GNAI1: variants seen among roughly 807,000 people sequenced by gnomAD.
GNAI1 encodes G protein subunit alpha i1, also known as guanine nucleotide-binding protein G(i) subunit alpha-1.
In GNAI1, 11 loss-of-function variants were observed where a neutral mutation model predicts 38.9. That is an observed-to-expected ratio of 0.28 (90% CI 0.18 to 0.47). The LOEUF (loss-of-function observed/expected upper bound fraction) is 0.47. Ranked by LOEUF, GNAI1 falls within the 20% of genes least tolerant of loss-of-function variation. The pLI, the probability that GNAI1 is intolerant of heterozygous loss-of-function variation, is 0.99. For missense variants in GNAI1, 317 were observed against 436.9 expected (o/e 0.73, Z 2.45); for synonymous variants, 166 against 145.1 (o/e 1.14, Z -1.04).
chr7:80,191,972 T>A, intron 3 of GNAI1, among the ~76,000 whole-genome samples: 1 of 152,228 alleles, frequency 6.6e-6, no homozygotes, highest in East Asian at 1.9e-4. Flanking sequence ...ATTTGAGAAT[T>A]ATTTTAAAAC....
At chr7:80,192,994 C>T (rs1361030423) in intron 3 of GNAI1, among the ~76,000 whole-genome samples, 8 of 140,318 alleles carry the variant, frequency 5.7e-5, no homozygotes, top group Admixed American at 2.9e-4. Flanking sequence ...GCACCGCACC[C>T]GGCCTTGTTT....
At position 80,223,169 on chromosome 7, in the gene GNAI1, A is replaced by G. The variant is rs899564106; in HGVS notation, c.*5676A>G. ...CCATCATACGTTGGGGACCATCTGT[A>G]CATAGAGTAGGACTCTTGAGAGCCT... On this transcript the variant is annotated 3_prime_UTR_variant, in exon 8 of 8. Transcript: ENST00000649796. Among the ~76,000 whole-genome samples, 4 of 152,230 alleles carry G rather than the reference A, an allele frequency of 2.6e-5. No individual in the cohort carries two copies. The highest frequency in any genetic ancestry group is 9.6e-5 in the African/African-American group (4 of 41,462).
intron 1 of GNAI1, among the ~76,000 whole-genome samples, chr7:80,184,969 G>C (rs766336205): frequency 3.3e-5 from 5 of 152,226 alleles, no homozygotes; most frequent in Admixed American, 6.5e-5. Context: ...GCCAGGTTTC[G>C]TGACTGCAAA....
At chr7:80,148,231 A>G (rs1161565206) in intron 1 of GNAI1, among the ~76,000 whole-genome samples, 1 of 152,186 alleles carries the variant, frequency 6.6e-6, no homozygotes, top group Non-Finnish European at 1.5e-5. Context: ...ACAGTAATTT[A>G]TACTGTGCAC....
chr7:80,200,532 A>G (rs1788668050), intron 4 of GNAI1, among the ~76,000 whole-genome samples: 1 of 152,074 alleles, frequency 6.6e-6, no homozygotes, highest in Non-Finnish European at 1.5e-5. Flanking sequence ...GTTGGCTGTT[A>G]GGGACACAAG....
intron 1 of GNAI1, among the ~76,000 whole-genome samples, chr7:80,144,902 A>G (rs1050020354): frequency 5.9e-5 from 9 of 152,232 alleles, no homozygotes; most frequent in Admixed American, 3.3e-4. Flanking sequence ...CAATCAGATC[A>G]AGAAATGTAT....
At chr7:80,153,016 T>C (rs1262063405) in intron 1 of GNAI1, among the ~76,000 whole-genome samples, 1 of 152,204 alleles carries the variant, frequency 6.6e-6, no homozygotes, top group African/African-American at 2.4e-5. Flanking sequence ...ATACACTGTA[T>C]TTACCGAAGA....
At chr7:80,210,782 T>C (rs924623497) in intron 5 of GNAI1, among the ~76,000 whole-genome samples, 187 bp from the exon 6 acceptor site, 3 of 150,632 alleles carry the variant, frequency 2.0e-5, no homozygotes, top group African/African-American at 7.3e-5. Flanking sequence ...TTTTAAAAAC[T>C]AGCAGGTTTT....
At chr7:80,188,889 G>C (rs980692654) in intron 1 of GNAI1, 62 bp from the exon 2 acceptor site, 3 of 966,580 alleles carry the variant, frequency 3.1e-6, no homozygotes, top group Non-Finnish European at 5.0e-6. Flanking sequence ...TGTGTGTTGG[G>C]AGTTGAATAT....
chr7:80,215,553 G>A (rs1379407672), intron 7 of GNAI1, among the ~76,000 whole-genome samples: 2 of 152,108 alleles, frequency 1.3e-5, no homozygotes, highest in Non-Finnish European at 2.9e-5. Context: ...TGCTGTCATA[G>A]CACATTACAC....
chr7:80,160,123 C>T (rs1787895601), intron 1 of GNAI1, among the ~76,000 whole-genome samples: 1 of 151,894 alleles, frequency 6.6e-6, no homozygotes, highest in African/African-American at 2.4e-5. Context: ...ATGTCTGCTT[C>T]TGTAAGTATC....
chr7:80,212,991 G>T, intron 7 of GNAI1, 122 bp downstream of exon 7: 1 of 624,686 alleles, frequency 1.6e-6, no homozygotes, highest in Non-Finnish European at 2.7e-6. Flanking sequence ...ACCTTTAAGG[G>T]GTATTATTTA....
intron 1 of GNAI1, among the ~76,000 whole-genome samples, chr7:80,159,421 A>G (rs1174030261): frequency 1.3e-5 from 2 of 152,188 alleles, no homozygotes; most frequent in African/African-American, 4.8e-5. Context: ...AAGTTCAGTC[A>G]GTACTCTTGT....
chr7:80,164,610 C>T (rs1787982824), intron 1 of GNAI1, among the ~76,000 whole-genome samples: 1 of 152,126 alleles, frequency 6.6e-6, no homozygotes, highest in Non-Finnish European at 1.5e-5. Flanking sequence ...GATCTGCCTG[C>T]CTTGGCCTCC....
intron 1 of GNAI1, among the ~76,000 whole-genome samples, chr7:80,153,038 T>G (rs926174898): frequency 1.3e-5 from 2 of 152,172 alleles, no homozygotes; most frequent in African/African-American, 4.8e-5. Context: ...TGTAGACTTT[T>G]ATATTTTAGA....
At chr7:80,213,076 G>A (rs1788900955) in intron 7 of GNAI1, among the ~76,000 whole-genome samples, 1 of 152,128 alleles carries the variant, frequency 6.6e-6, no homozygotes, top group Non-Finnish European at 1.5e-5. Flanking sequence ...TCATTTTATG[G>A]AAAAGCAGTT....
intron 1 of GNAI1, 102 bp from the exon 2 acceptor site, chr7:80,188,849 A>G: frequency 1.3e-6 from 1 of 750,748 alleles, no homozygotes; most frequent in Non-Finnish European, 2.3e-6. Flanking sequence ...ACACAGAGAG[A>G]GACTGGGTGT....
chr7:80,163,593 GA>G (rs1266605989), intron 1 of GNAI1, among the ~76,000 whole-genome samples: 1 of 152,188 alleles, frequency 6.6e-6, no homozygotes, highest in African/African-American at 2.4e-5. Context: ...AAACATATGT[GA>G]AGATAGTTTT....
chr7:80,137,321 T>TTTTTC (rs1787438654), intron 1 of GNAI1, among the ~76,000 whole-genome samples: 1 of 125,540 alleles, frequency 8.0e-6, no homozygotes, highest in Admixed American at 7.9e-5. Flanking sequence ...TCTTTTCTTT[T>TTTTTC]TTTTTTTTTT....
Sources: gnomAD v4.1 joint callset for allele counts (sites outside exome capture counted in the v4.1 genomes callset) on GRCh38, gnomAD v4.1.1 for gene constraint, MANE v1.5 for transcripts, NCBI Gene and HGNC (gene_info 2026-07-23, HGNC 2026-07-21) for gene names.